Variants in RIMS2 observed in about 807,000 individuals in gnomAD.
The protein encoded by RIMS2 is regulating synaptic membrane exocytosis 2.
In RIMS2, 59 loss-of-function variants were observed where a neutral mutation model predicts 174.4. That is an observed-to-expected ratio of 0.34 (90% CI 0.27 to 0.42). RIMS2 has a LOEUF of 0.42. RIMS2 is among the 10% of genes least tolerant of loss of function. RIMS2 has a pLI of 1.00. For missense variants in RIMS2, 1,620 were observed against 1,666.3 expected, an observed-to-expected ratio of 0.97 and a Z score of 0.48; for synonymous variants, 606 against 572.5, an observed-to-expected ratio of 1.06 and a Z score of -0.84.
At chr8:103,775,404 A>C (rs2098302693) in intron 3 of RIMS2, among the ~76,000 whole-genome samples, 1 of 152,184 alleles carries the variant, frequency 6.6e-6, no homozygotes, top group Admixed American at 6.5e-5. Flanking sequence ...TAGGAGAAAA[A>C]AGAATCTAAT....
At chr8:103,979,713 A>G (rs958288445) in intron 16 of RIMS2, among the ~76,000 whole-genome samples, 1 of 152,198 alleles carries the variant, frequency 6.6e-6, no homozygotes, top group Non-Finnish European at 1.5e-5. Context: ...TTTAATCACC[A>G]ATGCCATCCT....
At position 103,863,761 on chromosome 8, in the gene RIMS2, T is replaced by C. The variant is rs147965815; in HGVS notation, c.699-21537T>C. Among the ~76,000 whole-genome samples, 934 of 152,234 alleles carry C rather than the reference T, an allele frequency of 6.1e-3. 12 individuals are homozygous for C. Among genetic ancestry groups the C allele is most frequent in the African/African-American group, 0.021 (885 of 41,556 alleles). ...ATAGTCTTTGAGGATCTTTTCTGTT[T>C]CTTTAGTATCAGTTGTAATGTCACC... On this transcript the variant is annotated intron_variant, in intron 3 of 23. Coordinates refer to ENST00000504942, the Ensembl canonical transcript of RIMS2.
At chr8:103,553,224 A>G (rs576524711) in intron 1 of RIMS2, among the ~76,000 whole-genome samples, 1 of 152,362 alleles carries the variant, frequency 6.6e-6, no homozygotes, top group Admixed American at 6.5e-5. Flanking sequence ...AGCCTGGATT[A>G]AGAAAATGTG....
At chr8:103,640,466 A>G (rs1255307858) in intron 1 of RIMS2, among the ~76,000 whole-genome samples, 1 of 151,926 alleles carries the variant, frequency 6.6e-6, no homozygotes, top group African/African-American at 2.4e-5. Context: ...AGCTTTATTA[A>G]TTGTAGATAT....
chr8:104,249,774 C>T (rs867565714), intron 22 of RIMS2, among the ~76,000 whole-genome samples, 186 bp downstream of exon 28: 4 of 151,968 alleles, frequency 2.6e-5, no homozygotes, highest in Admixed American at 1.3e-4. Flanking sequence ...GAGGATGATC[C>T]GGTGGGGATA....
intron 17 of RIMS2, among the ~76,000 whole-genome samples, chr8:104,000,976 G>C (rs1295026500): frequency 6.6e-6 from 1 of 151,736 alleles, no homozygotes; most frequent in Non-Finnish European, 1.5e-5. Flanking sequence ...TCCCTTGTTG[G>C]AAGAATAGCT....
chr8:103,686,715 A>G (rs368745539), intron 1 of RIMS2, among the ~76,000 whole-genome samples: 137 of 152,222 alleles, frequency 9.0e-4, no homozygotes, highest in African/African-American at 3.2e-3. Flanking sequence ...GGATTTTTAC[A>G]TCTGCTTATG....
At chr8:103,727,626 A>G (rs1301240270) in intron 2 of RIMS2, among the ~76,000 whole-genome samples, 1 of 152,122 alleles carries the variant, frequency 6.6e-6, no homozygotes, top group African/African-American at 2.4e-5. Context: ...TTGGCAAGAG[A>G]TTGGGATCTA....
intron 3 of RIMS2, among the ~76,000 whole-genome samples, chr8:103,868,674 T>C (rs1294539975): frequency 6.6e-6 from 1 of 152,126 alleles, no homozygotes; most frequent in Admixed American, 6.5e-5. Flanking sequence ...AGTTATGGTT[T>C]TATGTGAATT....
chr8:103,573,964 G>A (rs986136981), intron 1 of RIMS2, among the ~76,000 whole-genome samples: 14 of 152,000 alleles, frequency 9.2e-5, no homozygotes, highest in African/African-American at 3.1e-4. Context: ...CAAAAACAAA[G>A]GTTTTTAGAT....
chr8:103,602,643 T>C (rs2094816563), intron 1 of RIMS2, among the ~76,000 whole-genome samples: 1 of 152,230 alleles, frequency 6.6e-6, no homozygotes, highest in Non-Finnish European at 1.5e-5. Context: ...GAACTCCTTT[T>C]TTATGGCTGG....
At chr8:103,829,863 G>C (rs1436999091) in intron 3 of RIMS2, among the ~76,000 whole-genome samples, 1 of 152,070 alleles carries the variant, frequency 6.6e-6, no homozygotes, top group Non-Finnish European at 1.5e-5. Context: ...AAATTGGAAA[G>C]AGAAAGATAA....
chr8:104,110,578 T>C (rs1283357686), intron 19 of RIMS2, among the ~76,000 whole-genome samples: 1 of 152,156 alleles, frequency 6.6e-6, no homozygotes. Context: ...TCTTGTTAAG[T>C]CTTTTTAAAA....
intron 1 of RIMS2, among the ~76,000 whole-genome samples, chr8:103,632,017 C>T (rs1222734529): frequency 6.6e-6 from 1 of 152,088 alleles, no homozygotes; most frequent in Non-Finnish European, 1.5e-5. Flanking sequence ...TAGATCTGAG[C>T]TTTTGTGTAG....
At chr8:103,776,173 G>A (rs1378497620) in intron 3 of RIMS2, among the ~76,000 whole-genome samples, 1 of 152,128 alleles carries the variant, frequency 6.6e-6, no homozygotes, top group African/African-American at 2.4e-5. Context: ...GTATGGTGAA[G>A]GGTTCTCAAC....
At chr8:103,782,990 G>A (rs2098405945) in intron 3 of RIMS2, among the ~76,000 whole-genome samples, 1 of 151,968 alleles carries the variant, frequency 6.6e-6, no homozygotes, top group Non-Finnish European at 1.5e-5. Context: ...GTTTGTGTAG[G>A]TCAAGATTAG....
intron 16 of RIMS2, among the ~76,000 whole-genome samples, chr8:103,979,219 A>T (rs906385943): frequency 3.3e-5 from 5 of 152,188 alleles, no homozygotes; most frequent in Non-Finnish European, 7.4e-5. Flanking sequence ...GGAAATTTTT[A>T]CCTTAAAGGG....
rs538532935 is a variant in RIMS2 at position 103,594,080 on chromosome 8, T to TA, written c.176+93019dup. Among the ~76,000 whole-genome samples the TA allele has an allele frequency of 2.6e-3, 393 of 151,758 alleles. 2 individuals carry two copies. The highest frequency in any genetic ancestry group is 4.6e-3 in the South Asian group (22 of 4,830). ...TATTTGCAACCTCAAAATTAATACT[T>TA]ACAGCACTTTCACGATTATTTTTGG... On this transcript the variant is annotated intron_variant, in intron 1 of 23. Coordinates refer to ENST00000504942, the Ensembl canonical transcript of RIMS2.
At chr8:103,795,468 C>A (rs1414416637) in intron 3 of RIMS2, among the ~76,000 whole-genome samples, 1 of 151,906 alleles carries the variant, frequency 6.6e-6, no homozygotes, top group African/African-American at 2.4e-5. Flanking sequence ...AGCATTAGGA[C>A]ATATACCTAA....
Sources: allele counts gnomAD v4.1 joint callset (sites outside exome capture counted in the v4.1 genomes callset), GRCh38; gene constraint gnomAD v4.1.1; transcripts MANE v1.5; gene names NCBI Gene and HGNC (gene_info 2026-07-23, HGNC 2026-07-21).